CTNNA2: variants seen among roughly 807,000 people sequenced by gnomAD.
CTNNA2 encodes the protein catenin alpha 2, also known as catenin alpha-2.
In CTNNA2, 42 loss-of-function variants were observed where a neutral mutation model predicts 101.0. The ratio of observed to expected loss-of-function variants is 0.42; its 90% CI spans 0.32 to 0.54. The LOEUF is 0.54. Ranked by LOEUF, CTNNA2 falls within the 20% of genes least tolerant of loss-of-function variation. The probability of loss-of-function intolerance (pLI) is 0.14; values close to 1 mark genes in which losing one functional copy is unlikely to be tolerated. For synonymous variants in CTNNA2, 450 were observed against 456.4 expected, an observed-to-expected ratio of 0.99 and a Z score of 0.18; for missense variants, 871 against 1,223.1, an observed-to-expected ratio of 0.71 and a Z score of 4.29.
At chr2:80,049,309 T>A (rs949352291) in intron 7 of CTNNA2, among the ~76,000 whole-genome samples, 6 of 152,080 alleles carry the variant, frequency 3.9e-5, no homozygotes, top group Non-Finnish European at 7.4e-5. Flanking sequence ...GTCATCAGTT[T>A]AACATTTGAC....
rs575776980 is a variant in CTNNA2 at position 80,321,263 on chromosome 2, G to A, written c.1057-71948G>A. On this transcript the variant is annotated intron_variant, in intron 7 of 18. Coordinates refer to ENST00000402739, the MANE Select transcript of CTNNA2 (RefSeq NM_001282597.3). ...CCTCCTGGAAAAAAAAAGGAAATTGGAGAGGCTTTGGAGGTTTCATTGGGA... is the reference window on the plus strand; with the variant it reads ...CCTCCTGGAAAAAAAAAGGAAATTGAAGAGGCTTTGGAGGTTTCATTGGGA... Among the ~76,000 whole-genome samples, 22 of 152,276 alleles carry A rather than the reference G, an allele frequency of 1.4e-4. 1 individual carries two copies. In the East Asian group the frequency reaches 4.1e-3, roughly 28 times the overall value.
At position 79,744,528 on chromosome 2, in the gene CTNNA2, A is replaced by T; in HGVS notation, c.244A>T (p.Ser82Cys). The T allele has an allele frequency of 6.2e-7, 1 of 1,614,050 alleles. No homozygotes were observed. The highest frequency in any genetic ancestry group is 8.5e-7 in the Non-Finnish European group (1 of 1,179,952). ...LEKGEQIAKE[S>C]QDLKEELVAA... ...AAAGGGTGAACAGATCGCTAAGGAG[A>T]GTCAAGATCTCAAAGAAGAGTTGGT... The change falls in exon 3 of 19, where the codon AGT becomes TGT. Residue 82 changes from serine to cysteine, a missense_variant. Physicochemically the swap from Ser to Cys is moderately radical, Grantham distance 112. This residue lies in a region of CTNNA2 where 647 missense variants were observed against 831.5 expected (regional missense o/e 0.78). Transcript: ENST00000402739.
intron 7 of CTNNA2, among the ~76,000 whole-genome samples, chr2:80,326,828 G>A (rs1285917725): frequency 6.6e-6 from 1 of 152,122 alleles, no homozygotes; most frequent in African/African-American, 2.4e-5. Flanking sequence ...AAAGAGCAGT[G>A]TCAGATTTCT....
At chr2:79,989,732 C>A (rs1692035217) in intron 7 of CTNNA2, among the ~76,000 whole-genome samples, 1 of 152,164 alleles carries the variant, frequency 6.6e-6, no homozygotes, top group African/African-American at 2.4e-5. Context: ...CTAGGCCTGG[C>A]TTCCTTATAA....
At chr2:80,609,439 G>A (rs1698282275) in intron 17 of CTNNA2, among the ~76,000 whole-genome samples, 2 of 151,698 alleles carry the variant, frequency 1.3e-5, no homozygotes, top group African/African-American at 2.4e-5. Context: ...CTAGAGCCCA[G>A]TAAATTGGCT....
At chr2:80,081,434 A>G (rs932612071) in intron 7 of CTNNA2, among the ~76,000 whole-genome samples, 5 of 152,106 alleles carry the variant, frequency 3.3e-5, no homozygotes, top group African/African-American at 4.8e-5. Context: ...GTGGCAATCT[A>G]TAAACGCTGG....
chr2:80,598,462 T>TA (rs563439736), intron 15 of CTNNA2, among the ~76,000 whole-genome samples: 139 of 143,620 alleles, frequency 9.7e-4, no homozygotes, highest in Admixed American at 1.5e-3. Context: ...ACTTAAAGTA[T>TA]AAAAAAAAAA....
intron 2 of CTNNA2, among the ~76,000 whole-genome samples, chr2:79,209,272 G>T (rs1674139577): frequency 6.6e-6 from 1 of 152,090 alleles, no homozygotes; most frequent in Non-Finnish European, 1.5e-5. Context: ...CATCCTTCTT[G>T]GTTACAAGAT....
chr2:80,134,016 C>T (rs564908385), intron 7 of CTNNA2, among the ~76,000 whole-genome samples: 3 of 152,170 alleles, frequency 2.0e-5, no homozygotes, highest in East Asian at 1.9e-4. Context: ...ACTCAGAGTA[C>T]GTGACAATGA....
chr2:80,442,078 A>G (rs1003137261), intron 9 of CTNNA2, among the ~76,000 whole-genome samples: 11 of 152,248 alleles, frequency 7.2e-5, no homozygotes, highest in African/African-American at 2.7e-4. Context: ...TAACAGGTTC[A>G]CACATATGAC....
chr2:79,369,709 C>G (rs1677829025), intron 3 of CTNNA2, among the ~76,000 whole-genome samples: 1 of 152,160 alleles, frequency 6.6e-6, no homozygotes, highest in African/African-American at 2.4e-5. Context: ...TCCTAACACT[C>G]CTTACACCTG....
rs537029259 is a variant in CTNNA2 at position 80,545,478 on chromosome 2, C to G, written c.1383+404C>G. Reference sequence around the variant, plus strand: ...AGAGGATTGCTGGGGCTCAGGAGTTCGAGGCTGCAGGGAGCTGGGATTGTG... The same window carrying G: ...AGAGGATTGCTGGGGCTCAGGAGTTGGAGGCTGCAGGGAGCTGGGATTGTG... On this transcript the variant is annotated intron_variant, in intron 10 of 18. Transcript: ENST00000402739. Among the ~76,000 whole-genome samples the G allele has an allele frequency of 2.3e-4, 35 of 152,184 alleles. No homozygotes were observed. In the South Asian group the frequency reaches 6.6e-3, roughly 29 times the overall value.
chr2:80,352,373 C>T (rs1397546315), intron 7 of CTNNA2, among the ~76,000 whole-genome samples: 1 of 152,040 alleles, frequency 6.6e-6, no homozygotes, highest in Non-Finnish European at 1.5e-5. Flanking sequence ...ATTGAAAATG[C>T]CTTACTACTC....
intron 7 of CTNNA2, among the ~76,000 whole-genome samples, chr2:80,058,002 G>A (rs956133624): frequency 1.3e-5 from 2 of 152,198 alleles, no homozygotes; most frequent in Non-Finnish European, 2.9e-5. Flanking sequence ...CTCCATAGTA[G>A]CTCCTAGAGA....
intron 3 of CTNNA2, among the ~76,000 whole-genome samples, chr2:79,801,272 TGCA>T (rs1226354009): frequency 6.6e-6 from 1 of 152,198 alleles, no homozygotes; most frequent in Non-Finnish European, 1.5e-5. Context: ...CTAGCTCAGC[TGCA>T]GCCAGTTTCT....
chr2:79,648,488 T>G (rs1489219354), intron 1 of CTNNA2, among the ~76,000 whole-genome samples: 13 of 152,148 alleles, frequency 8.5e-5, no homozygotes, highest in Admixed American at 8.5e-4. Context: ...CAAGGTCTAA[T>G]ACAGACAGCA....
chr2:79,538,887 G>A (rs2103976909), intron 1 of CTNNA2, among the ~76,000 whole-genome samples: 1 of 152,232 alleles, frequency 6.6e-6, no homozygotes, highest in Non-Finnish European at 1.5e-5. Context: ...GAAAGGTGGT[G>A]GCAGATAAAT....
intron 7 of CTNNA2, among the ~76,000 whole-genome samples, chr2:80,018,759 C>T (rs1476416442): frequency 2.2e-5 from 3 of 139,400 alleles, no homozygotes; most frequent in African/African-American, 5.4e-5. Flanking sequence ...CCAGCCTGGG[C>T]GACAGGGCGA....
At chr2:80,148,497 C>T (rs775261507) in intron 7 of CTNNA2, among the ~76,000 whole-genome samples, 1 of 152,218 alleles carries the variant, frequency 6.6e-6, no homozygotes, top group Non-Finnish European at 1.5e-5. Flanking sequence ...GGCAGGAGCT[C>T]ATGTGCACTG....
Sources: allele counts gnomAD v4.1 joint callset (sites outside exome capture counted in the v4.1 genomes callset), GRCh38; gene constraint gnomAD v4.1.1; regional missense constraint gnomAD v4.1.1; transcripts MANE v1.5; gene names NCBI Gene and HGNC (gene_info 2026-07-23, HGNC 2026-07-21).